The following SEH1L variants were observed in gnomAD, a reference collection of about 807,000 sequenced individuals.
SEH1L encodes the protein SEH1 like nucleoporin, also known as nucleoporin SEH1.
Under a neutral mutation model 49.5 loss-of-function variants are expected in SEH1L, and 18 were observed. That is an observed-to-expected ratio of 0.36 (90% CI 0.25 to 0.54). SEH1L has a LOEUF of 0.54. SEH1L is among the 20% of genes least tolerant of loss of function. The probability of loss-of-function intolerance (pLI) is 0.87; values close to 1 mark genes in which losing one functional copy is unlikely to be tolerated. For missense variants in SEH1L, 404 were observed against 528.8 expected, an observed-to-expected ratio of 0.76 and a Z score of 2.31; for synonymous variants, 169 against 178.1, an observed-to-expected ratio of 0.95 and a Z score of 0.41.
intron 6 of SEH1L, among the ~76,000 whole-genome samples, chr18:12,980,106 G>A (rs1232945227): frequency 3.4e-5 from 4 of 118,160 alleles, no homozygotes; most frequent in Admixed American, 8.2e-5. Flanking sequence ...CCTCCCTCCC[G>A]GACAGGGCGG....
At chr18:12,975,997 G>T (rs912535965) in intron 5 of SEH1L, 1 of 441,026 alleles carries the variant, frequency 2.3e-6, no homozygotes, top group Non-Finnish European at 3.0e-6. Flanking sequence ...TTTGAGGTGC[G>T]TTTGGAACAT....
intron 8 of SEH1L, chr18:12,985,938 C>CT (rs200987658): frequency 0.042 from 38,889 of 917,190 alleles, 856 homozygotes; most frequent in Middle Eastern, 0.061. Context: ...GATGGAAACA[C>CT]TTTTTTTATA....
At chr18:12,973,194 GATT>G (rs1463870190) in intron 5 of SEH1L, 1 of 151,934 alleles carries the variant, frequency 6.6e-6, no homozygotes, top group African/African-American at 2.4e-5. Flanking sequence ...GTCAAAAAAA[GATT>G]TTTTTCTAAA....
intron 6 of SEH1L, among the ~76,000 whole-genome samples, chr18:12,981,645 G>A (rs1412051260): frequency 6.6e-6 from 1 of 152,184 alleles, no homozygotes; most frequent in African/African-American, 2.4e-5. Context: ...TCTCTTAACT[G>A]TGCTTTATTT....
intron 1 of SEH1L, among the ~76,000 whole-genome samples, chr18:12,950,449 A>C (rs1568207183): frequency 6.6e-6 from 1 of 152,144 alleles, no homozygotes; most frequent in Non-Finnish European, 1.5e-5. Context: ...AAAGTGAAAA[A>C]ATTATAGACT....
chr18:12,972,393 T>C (rs749132093), intron 5 of SEH1L: 5 of 152,146 alleles, frequency 3.3e-5, no homozygotes, highest in Non-Finnish European at 4.4e-5. Flanking sequence ...TGTGGCAGCA[T>C]GTGAAGGTAA....
At chr18:12,982,095 G>T (rs2032293364) in intron 6 of SEH1L, among the ~76,000 whole-genome samples, 1 of 151,964 alleles carries the variant, frequency 6.6e-6, no homozygotes, top group Non-Finnish European at 1.5e-5. Context: ...TGAACTCCTG[G>T]CCTCAAGTGA....
intron 4 of SEH1L, among the ~76,000 whole-genome samples, chr18:12,969,903 A>T (rs193302097): frequency 1.6e-4 from 25 of 152,258 alleles, no homozygotes; most frequent in Non-Finnish European, 2.9e-4. Context: ...AAAACAGGAA[A>T]AAAACGCAAA....
At chr18:12,959,359 C>T (rs1252778383) in intron 3 of SEH1L, among the ~76,000 whole-genome samples, 1 of 152,120 alleles carries the variant, frequency 6.6e-6, no homozygotes, top group Non-Finnish European at 1.5e-5. Context: ...TAAGCATTCG[C>T]CTACTTATTT....
intron 1 of SEH1L, among the ~76,000 whole-genome samples, chr18:12,949,030 T>G (rs574004396): frequency 0.1 from 15,579 of 151,564 alleles, 2,493 homozygotes; most frequent in African/African-American, 0.35. Flanking sequence ...TTTTTTTTTT[T>G]TGTATTTTTT....
At position 12,982,691 on chromosome 18, in the gene SEH1L, A is replaced by C. The variant is rs780090956; in HGVS notation, c.919+16A>C. 2 of 1,578,012 alleles carry C rather than the reference A, an allele frequency of 1.3e-6. No individual in the cohort carries two copies. The highest frequency in any genetic ancestry group is 1.8e-5 in the Admixed American group (1 of 54,796). ...TTGTGGAAAGGTAAGAGTTCAGTGAAGGGGTAATTGTTGGTTTATATTTCT... is the reference window on the plus strand; with the variant it reads ...TTGTGGAAAGGTAAGAGTTCAGTGACGGGGTAATTGTTGGTTTATATTTCT... On this transcript the variant is annotated intron_variant, in intron 7 of 8. Coordinates refer to ENST00000399892, the MANE Select transcript of SEH1L (RefSeq NM_001013437.2).
At chr18:12,980,030 C>A (rs1242817949) in intron 6 of SEH1L, among the ~76,000 whole-genome samples, 1 of 100,684 alleles carries the variant, frequency 9.9e-6, no homozygotes, top group Non-Finnish European at 2.0e-5. Context: ...CCCGGACGGG[C>A]GGCTGACCCC....
chr18:12,952,509 C>T (rs1656176958), intron 2 of SEH1L, among the ~76,000 whole-genome samples: 1 of 152,108 alleles, frequency 6.6e-6, no homozygotes, highest in Non-Finnish European at 1.5e-5. Flanking sequence ...GGTTTATAGG[C>T]ATGAGCCACT....
chr18:12,985,672 A>G, intron 8 of SEH1L: 6 of 962,086 alleles, frequency 6.2e-6, no homozygotes, highest in Non-Finnish European at 7.4e-6. Context: ...AAAATGATGA[A>G]CTTTTATAAT....
intron 3 of SEH1L, 35 bp from the exon 4 acceptor site, chr18:12,963,125 G>A (rs1160988170): frequency 6.1e-6 from 9 of 1,474,550 alleles, no homozygotes; most frequent in East Asian, 4.9e-5. Context: ...CTTTCTTTTT[G>A]TATATAATTT....
intron 6 of SEH1L, among the ~76,000 whole-genome samples, chr18:12,980,952 C>T (rs1208832081): frequency 1.3e-5 from 2 of 150,240 alleles, no homozygotes; most frequent in African/African-American, 4.9e-5. Context: ...GACGGGGTGG[C>T]TGCCGGGCGG....
chr18:12,950,493 C>G (rs1286615313), intron 1 of SEH1L, among the ~76,000 whole-genome samples: 1 of 152,102 alleles, frequency 6.6e-6, no homozygotes, highest in East Asian at 1.9e-4. Flanking sequence ...TTGATTTCCT[C>G]TGTTTTTCCT....
chr18:12,955,496 G>C lies in SEH1L; in HGVS notation c.196G>C (p.Ala66Pro). The change falls in exon 3 of 9, where the codon GCC (alanine) becomes CCC (proline). Residue 66 changes from alanine (A) to proline (P), a missense_variant. Physicochemically the swap from Ala to Pro is conservative, Grantham distance 27 (BLOSUM62 -1). Transcript: ENST00000399892. ...TGGATCTGTATGGCGTGTGACATGG[G>C]CCCATCCTGAATTTGGGCAGGTTTT... ...HSGSVWRVTW[A>P]HPEFGQVLAS... is the part of the protein sequence containing the mutation. The C allele has an allele frequency of 6.2e-7, 1 of 1,613,928 alleles. No homozygotes were observed. Among genetic ancestry groups the C allele is most frequent in the South Asian group, 1.1e-5 (1 of 91,072 alleles).
In SEH1L at chr18:12,952,820, C is replaced by T. The variant is rs541173356; in HGVS notation, c.162+915C>T. Reference sequence around the variant, plus strand: ...TTTTTGAGCTGGCGTCTTGCTCTGTCGCCCAGGCTGGAGTGCAGTGGTGCG... The same window carrying T: ...TTTTTGAGCTGGCGTCTTGCTCTGTTGCCCAGGCTGGAGTGCAGTGGTGCG... On this transcript the variant is annotated intron_variant, in intron 2 of 8. Coordinates refer to ENST00000399892, the MANE Select transcript of SEH1L (RefSeq NM_001013437.2). Among the ~76,000 whole-genome samples the T allele has an allele frequency of 2.1e-4, 27 of 126,332 alleles. No individual in the cohort carries two copies. The South Asian group carries it at 4.7e-3, about 22-fold the overall frequency. The allele number at this position is 126,332 out of a possible 152,430, so 82.9% of individuals were successfully genotyped here.
Sources: gnomAD v4.1 joint callset for allele counts (sites outside exome capture counted in the v4.1 genomes callset) on GRCh38, gnomAD v4.1.1 for gene constraint, MANE v1.5 for transcripts, NCBI Gene and HGNC (gene_info 2026-07-23, HGNC 2026-07-21) for gene names.